The following SH3BP5 variants were observed in gnomAD, a reference collection of about 807,000 sequenced individuals.
SH3BP5 encodes the protein SH3 domain-binding protein 5.
SH3BP5 carries 22 observed loss-of-function variants against 43.3 expected under a neutral mutation model. The ratio of observed to expected loss-of-function variants is 0.51; its 90% CI spans 0.36 to 0.73. The LOEUF is 0.73. Ranked by LOEUF, SH3BP5 falls within the 30% of genes least tolerant of loss-of-function variation. The probability of loss-of-function intolerance (pLI) is 0.00; values close to 1 mark genes in which losing one functional copy is unlikely to be tolerated. For synonymous variants in SH3BP5, 255 were observed against 225.8 expected, an observed-to-expected ratio of 1.13 and a Z score of -1.16; for missense variants, 529 against 586.9, an observed-to-expected ratio of 0.90 and a Z score of 1.02.
chr3:15,324,856 CAAAA>C (rs373214083), intron 2 of SH3BP5, among the ~76,000 whole-genome samples: 5 of 114,222 alleles, frequency 4.4e-5, no homozygotes, highest in Admixed American at 9.1e-5. Flanking sequence ...TCCTTGGGTC[CAAAA>C]AAAAAAAAAA....
At chr3:15,290,886 G>A (rs1262200937) in intron 3 of SH3BP5, among the ~76,000 whole-genome samples, 1 of 152,124 alleles carries the variant, frequency 6.6e-6, no homozygotes, top group African/African-American at 2.4e-5. Context: ...AGGCCATCGA[G>A]AATGGAGAAG....
At chr3:15,297,738 C>T (rs530643507) in intron 3 of SH3BP5, among the ~76,000 whole-genome samples, 69 of 152,128 alleles carry the variant, frequency 4.5e-4, no homozygotes, top group African/African-American at 1.6e-3. Flanking sequence ...TACACGTGGC[C>T]TAGTCACCCC....
chr3:15,267,702 C>T (rs982721142), intron 4 of SH3BP5, among the ~76,000 whole-genome samples: 52 of 152,128 alleles, frequency 3.4e-4, no homozygotes, highest in Non-Finnish European at 1.0e-4. Flanking sequence ...CTCCAAAAAG[C>T]GCTATTCCCA....
At chr3:15,257,750 T>C (rs1696271373) in intron 7 of SH3BP5, 1 of 152,280 alleles carries the variant, frequency 6.6e-6, no homozygotes, top group Non-Finnish European at 1.5e-5. Context: ...GTTATTCCCA[T>C]GGTTTCAAAG....
intron 2 of SH3BP5, among the ~76,000 whole-genome samples, chr3:15,307,934 CG>C (rs1425697529): frequency 6.6e-6 from 1 of 152,136 alleles, no homozygotes; most frequent in Non-Finnish European, 1.5e-5. Flanking sequence ...CAGTGGCCTA[CG>C]GGCCAATAAG....
chr3:15,336,602 G>A (rs1201012122), upstream of SH3BP5, among the ~76,000 whole-genome samples: 1 of 152,136 alleles, frequency 6.6e-6, no homozygotes, highest in Non-Finnish European at 1.5e-5. Flanking sequence ...GAGGAGAGAG[G>A]CTTTGTGAAA....
chr3:15,273,622 C>A lies in SH3BP5; in HGVS notation c.331-3745G>T, dbSNP rs1452289788. 3.9e-5 allele frequency among the ~76,000 whole-genome samples: 6 copies of A among 152,206 alleles called. No homozygotes were observed. In the East Asian group the frequency reaches 1.2e-3, roughly 29 times the overall value. ...AGATGCCATCTCTCCATAATTCATGCACTTACCGGTTCATTCACTCAAGTA... is the reference window on the plus strand; with the variant it reads ...AGATGCCATCTCTCCATAATTCATGAACTTACCGGTTCATTCACTCAAGTA... On this transcript the variant is annotated intron_variant, in intron 3 of 8. Coordinates refer to ENST00000383791, the MANE Select transcript of SH3BP5 (RefSeq NM_004844.5).
At chr3:15,292,361 T>C (rs9310473) in intron 3 of SH3BP5, among the ~76,000 whole-genome samples, 17,596 of 152,112 alleles carry the variant, frequency 0.12, 3,296 homozygotes, top group African/African-American at 0.39. Flanking sequence ...GCCATGCCTC[T>C]GTGAATAGCA....
chr3:15,288,997 A>G (rs1200827581), intron 3 of SH3BP5, among the ~76,000 whole-genome samples: 1 of 152,364 alleles, frequency 6.6e-6, no homozygotes, highest in African/African-American at 2.4e-5. Flanking sequence ...GCAGAGAGAT[A>G]CAGGTAGTTA....
intron 3 of SH3BP5, among the ~76,000 whole-genome samples, chr3:15,285,777 C>T (rs963127774): frequency 5.3e-5 from 8 of 152,228 alleles, no homozygotes; most frequent in Admixed American, 2.6e-4. Context: ...ACCTCCTCCA[C>T]GTTTCAGACT....
intron 3 of SH3BP5, among the ~76,000 whole-genome samples, chr3:15,280,279 G>A (rs545069680): frequency 2.6e-5 from 4 of 151,992 alleles, no homozygotes; most frequent in South Asian, 4.2e-4. Flanking sequence ...TCCTCCTCCC[G>A]CTCTCACCTT....
At chr3:15,333,391 A>G (rs980195540), upstream of SH3BP5, 1 of 414,170 alleles carries the variant, frequency 2.4e-6, no homozygotes, top group African/African-American at 2.2e-5. Flanking sequence ...GCCTTGAGAA[A>G]TGCAGAACGT....
At chr3:15,332,003 C>A (rs1698622265) in intron 1 of SH3BP5, 1 of 452,646 alleles carries the variant, frequency 2.2e-6, no homozygotes, top group Admixed American at 4.4e-5. Context: ...CCACCCGAAC[C>A]ACCAGGCACG....
At chr3:15,294,526 G>C (rs932447278) in intron 3 of SH3BP5, among the ~76,000 whole-genome samples, 2 of 151,932 alleles carry the variant, frequency 1.3e-5, no homozygotes, top group African/African-American at 4.8e-5. Context: ...AATTAACCAA[G>C]TCTGTTACAG....
At chr3:15,314,630 ACTCCTG>A (rs756936056) in intron 2 of SH3BP5, among the ~76,000 whole-genome samples, 5 of 151,780 alleles carry the variant, frequency 3.3e-5, no homozygotes, top group Middle Eastern at 3.2e-3. Flanking sequence ...CAGCCACAAC[ACTCCTG>A]CTCATGGCAT....
intron 2 of SH3BP5, among the ~76,000 whole-genome samples, chr3:15,317,679 C>T (rs919891978): frequency 6.6e-6 from 1 of 152,160 alleles, no homozygotes; most frequent in Non-Finnish European, 1.5e-5. Flanking sequence ...TTGTATTTCT[C>T]CAGCTGTCAA....
Position 15,330,700 on chromosome 3 carries a change from G to A in SH3BP5, c.139-134C>T, listed in dbSNP as rs572141174. 4.1e-5 allele frequency: 57 copies of A among 1,401,466 alleles called. No individual in the cohort carries two copies. The African/African-American group carries it at 4.3e-4, about 11-fold the overall frequency. 86.8% of individuals were successfully genotyped at this position (1,401,466 alleles called of 1,614,324 possible). On this transcript the variant is annotated intron_variant, in intron 1 of 8. Coordinates refer to ENST00000383791, the MANE Select transcript of SH3BP5 (RefSeq NM_004844.5). ...GGGAAGAATCAGAATTAATTCTTAC[G>A]GCAAACAGTTGAGGCTTGACTAGAA...
At position 15,315,447 on chromosome 3, in the gene SH3BP5, AC is replaced by A. The variant is rs371211537; in HGVS notation, c.202-11217del. Reference sequence around the variant, plus strand: ...GGCCACATCCTATTTCTTCACTCCAACCCTTTCCAAGGCATCACACTGCCTG... The same window carrying A: ...GGCCACATCCTATTTCTTCACTCCAACCTTTCCAAGGCATCACACTGCCTG... On this transcript the variant is annotated intron_variant, in intron 2 of 8. Transcript: ENST00000383791. Among the ~76,000 whole-genome samples, 105 of 152,198 alleles carry A rather than the reference AC, an allele frequency of 6.9e-4. 1 individual carries two copies. The South Asian group carries it at 0.021, about 31-fold the overall frequency.
At chr3:15,281,183 C>G (rs776441248) in intron 3 of SH3BP5, among the ~76,000 whole-genome samples, 13 of 152,098 alleles carry the variant, frequency 8.5e-5, no homozygotes, top group Non-Finnish European at 1.8e-4. Context: ...TAAGCTATAG[C>G]TATAGCTAAT....
Sources: allele counts gnomAD v4.1 joint callset (sites outside exome capture counted in the v4.1 genomes callset), GRCh38; gene constraint gnomAD v4.1.1; transcripts MANE v1.5; gene names NCBI Gene and HGNC (gene_info 2026-07-23, HGNC 2026-07-21).